TBC1D9B: variants seen among roughly 807,000 people sequenced by gnomAD.
TBC1D9B encodes the protein TBC1 domain family member 9B, also known as TBC1 domain family, member 9B (with GRAM domain).
Under a neutral mutation model 121.1 loss-of-function variants are expected in TBC1D9B, and 87 were observed. The observed-to-expected ratio is 0.72, with a 90% CI of 0.60 to 0.86. TBC1D9B has a LOEUF of 0.86. TBC1D9B is among the 40% of genes least tolerant of loss of function. The pLI is 0.00. For missense variants in TBC1D9B, 1,540 were observed against 1,628.6 expected, an observed-to-expected ratio of 0.95 and a Z score of 0.94; for synonymous variants, 668 against 670.1, an observed-to-expected ratio of 1.00 and a Z score of 0.05.
intron 12 of TBC1D9B, 148 bp from the exon 13 acceptor site, chr5:179,873,396 G>C: frequency 4.0e-6 from 5 of 1,263,706 alleles, no homozygotes; most frequent in Non-Finnish European, 5.2e-6. Context: ...GGAGGGCAGA[G>C]GTGTGCCCTG....
rs368344854 is a variant in TBC1D9B, at chr5:179,894,377, C to T, written c.577+9G>A. 7.6e-4 allele frequency: 1,213 copies of T among 1,604,722 alleles called. No individual in the cohort carries two copies. Among genetic ancestry groups the T allele is most frequent in the Non-Finnish European group, 9.2e-4 (1,082 of 1,176,090 alleles). On this transcript the variant is annotated intron_variant, in intron 4 of 20. Transcript: ENST00000355235. The stretch of plus-strand genomic sequence containing the variant: ...GTGGGGGCTGGGGCACACTGAGGGG[C>T]GGGCTCACCTTCCTTCCCCAGCAGG...
At position 179,907,750 on chromosome 5, in the gene TBC1D9B, G is replaced by T; in HGVS notation, c.72C>A (p.Phe24Leu). 8.3e-7 allele frequency: 1 copy of T among 1,206,272 alleles called. No individual in the cohort carries two copies. Among genetic ancestry groups the T allele is most frequent in the Non-Finnish European group, 1.1e-6 (1 of 944,562 alleles). 74.7% of individuals were successfully genotyped at this position (1,206,272 alleles called of 1,614,324 possible). Reference protein sequence around the residue: ...LWVTERANPFFVLQRRRGHGR... With the variant: ...LWVTERANPFLVLQRRRGHGR... ...CGTGGCCCCGGCGTCGCTGCAGCAC[G>T]AAGAAGGGGTTGGCCCGCTCCGTCA... The change falls in exon 1 of 21, where the codon TTC (phenylalanine) becomes TTA (leucine). Residue 24 changes from phenylalanine (F) to leucine (L), a missense_variant. By Grantham distance (22) the Phe-to-Leu change is conservative (BLOSUM62 0). Transcript: ENST00000355235. This position sits in a 1 kb window ranked among gnomAD's most constrained non-coding sequence, Gnocchi z 5.3.
At chr5:179,882,906 A>G (rs183072774) in intron 7 of TBC1D9B, among the ~76,000 whole-genome samples, 1 of 152,156 alleles carries the variant, frequency 6.6e-6, no homozygotes, top group Non-Finnish European at 1.5e-5. Flanking sequence ...TTGAGGAGGA[A>G]TCTCTCAGGA....
In TBC1D9B at chr5:179,907,463, TGAG is replaced by T. The variant is rs1386096773; in HGVS notation, c.118+238_118+240del. Among the ~76,000 whole-genome samples the T allele has an allele frequency of 1.2e-4, 18 of 151,372 alleles. No homozygotes were observed. Among genetic ancestry groups the T allele is most frequent in the Admixed American group, 1.2e-3 (18 of 15,232 alleles). ...TCCACTTGGCCGCCCCAAGCCGACC[TGAG>T]GAGAGCCCGCCGAGGGCGCATTCGC... On this transcript the variant is annotated intron_variant, in intron 1 of 20. Transcript: ENST00000355235. The surrounding 1 kb of genome is among the most constrained non-coding windows in gnomAD (Gnocchi z 5.3).
intron 6 of TBC1D9B, among the ~76,000 whole-genome samples, chr5:179,888,826 G>C (rs889707470): frequency 5.3e-5 from 8 of 152,192 alleles, no homozygotes; most frequent in African/African-American, 1.7e-4. Flanking sequence ...CAGTCAGCAG[G>C]GGTGAGTGCT....
chr5:179,865,197 C>A lies in TBC1D9B; in HGVS notation c.3021+57G>T. The A allele has an allele frequency of 6.5e-7, 1 of 1,543,512 alleles. No homozygotes were observed. The highest frequency in any genetic ancestry group is 1.1e-5 in the South Asian group (1 of 89,714). On this transcript the variant is annotated intron_variant, in intron 20 of 20. Transcript: ENST00000355235. The surrounding 1 kb of genome is among the most constrained non-coding windows in gnomAD (Gnocchi z 5.1). Reference sequence around the variant, plus strand: ...CAGTGCAGGTGCGGTGATGTTAGGGCCCAGTCTTGGTCAGAACTCTCCAGA... The same window carrying A: ...CAGTGCAGGTGCGGTGATGTTAGGGACCAGTCTTGGTCAGAACTCTCCAGA...
At position 179,863,449 on chromosome 5, in the gene TBC1D9B, C is replaced by T; in HGVS notation, c.3701G>A (p.Ter1234=). 1.9e-6 allele frequency: 3 copies of T among 1,612,050 alleles called. No homozygotes were observed. The highest frequency in any genetic ancestry group is 2.5e-6 in the Non-Finnish European group (3 of 1,178,688). The part of the protein sequence containing the change: ...SDHEQPGVSG[*] The stretch of plus-strand genomic sequence containing the variant: ...GGCCAGGCCTCACAGCTGCAGGCAT[C>T]AGCCGGAAACTCCAGGCTGCTCATG... The change falls in exon 21 of 21, where the codon TGA becomes TAA. Residue 1234 remains the stop codon, a stop_retained_variant. Transcript: ENST00000355235. This position sits in a 1 kb window ranked among gnomAD's most constrained non-coding sequence, Gnocchi z 4.5.
intron 2 of TBC1D9B, among the ~76,000 whole-genome samples, chr5:179,903,007 C>T (rs751272151): frequency 2.0e-5 from 3 of 152,188 alleles, no homozygotes; most frequent in Admixed American, 6.5e-5. Context: ...GGGTGCCGCC[C>T]GCCCTGTGCT....
chr5:179,867,878 G>A, intron 17 of TBC1D9B, 29 bp from the exon 18 acceptor site: 1 of 1,504,302 alleles, frequency 6.6e-7, no homozygotes, highest in Non-Finnish European at 8.9e-7. Flanking sequence ...CAGAGTGAGG[G>A]CAGGAGGAAA....
chr5:179,901,673 G>A (rs1220819605), intron 2 of TBC1D9B, among the ~76,000 whole-genome samples: 1 of 152,216 alleles, frequency 6.6e-6, no homozygotes, highest in Non-Finnish European at 1.5e-5. Context: ...TAGTCAGGAG[G>A]CTGAGGTGGG....
rs1013032301 is a variant in TBC1D9B at position 179,880,070 on chromosome 5, C to T, written c.1255-281G>A. On this transcript the variant is annotated intron_variant, in intron 7 of 20. Coordinates refer to ENST00000355235, the MANE Select transcript of TBC1D9B (RefSeq NM_015043.4). ...GGTTCTGGGCTCACCCTGTGGGGCC[C>T]TTTTCTGAGGGGGGTCAGTGCAAAG... 5 of 517,358 alleles carry T rather than the reference C, an allele frequency of 9.7e-6. No individual in the cohort carries two copies. In the Admixed American group the frequency reaches 1.4e-4, roughly 15 times the overall value. 32.0% of individuals were successfully genotyped at this position (517,358 alleles called of 1,614,324 possible).
In TBC1D9B at chr5:179,864,129, C is replaced by T; in HGVS notation, c.3022-1G>A. ...TCTTGCACAGCTCAATGAACTGCTC[C>T]TTTTAGGGAGAAAAACAGAAGAACA... On this transcript the variant is annotated splice_acceptor_variant, in intron 20 of 20. Coordinates refer to ENST00000355235, the MANE Select transcript of TBC1D9B (RefSeq NM_015043.4). LOFTEE classifies it high-confidence loss of function. 1 of 1,591,222 alleles carries T rather than the reference C, an allele frequency of 6.3e-7. No homozygotes were observed. Among genetic ancestry groups the T allele is most frequent in the Non-Finnish European group, 8.6e-7 (1 of 1,165,404 alleles).
At chr5:179,877,210 C>A (rs1261646995) in intron 10 of TBC1D9B, among the ~76,000 whole-genome samples, 1 of 150,636 alleles carries the variant, frequency 6.6e-6, no homozygotes, top group African/African-American at 2.4e-5. Flanking sequence ...GACAGTGAGA[C>A]CCCATGTCTA....
At position 179,862,747 on chromosome 5, in the gene TBC1D9B, C is replaced by A. The variant is rs565451263; in HGVS notation, c.*701G>T. On this transcript the variant is annotated 3_prime_UTR_variant, in exon 21 of 21. Coordinates refer to ENST00000355235, the MANE Select transcript of TBC1D9B (RefSeq NM_015043.4). ...GCATTGCACACAGTGGTTTTTATTT[C>A]TTTCAGGGATTTATTAAGGCATTGA... 8.1e-6 allele frequency: 3 copies of A among 372,556 alleles called. No individual in the cohort carries two copies. Among genetic ancestry groups the A allele is most frequent in the East Asian group, 7.5e-5 (1 of 13,262 alleles). 23.1% of individuals were successfully genotyped at this position (372,556 alleles called of 1,614,324 possible). A position where few individuals can be genotyped will look rare whatever the true frequency, so the allele number is the denominator to read the frequency against.
In TBC1D9B at chr5:179,884,710, G is replaced by C. The variant is rs564818463; in HGVS notation, c.1254+3393C>G. On this transcript the variant is annotated intron_variant, in intron 7 of 20. Transcript: ENST00000355235. The stretch of plus-strand genomic sequence containing the variant: ...AGAAATCTTGAGCACGCTACAACAG[G>C]GATGAACCTGGAGGACATCACGCTG... Among the ~76,000 whole-genome samples, 384 of 152,190 alleles carry C rather than the reference G, an allele frequency of 2.5e-3. 2 individuals carry two copies. Among genetic ancestry groups the C allele is most frequent in the Non-Finnish European group, 4.5e-3 (309 of 68,012 alleles).
At position 179,879,048 on chromosome 5, in the gene TBC1D9B, G is replaced by A. The variant is rs140054137; in HGVS notation, c.1566C>T (p.Ser522=). 57 of 1,601,402 alleles carry A rather than the reference G, an allele frequency of 3.6e-5. No homozygotes were observed. The highest frequency in any genetic ancestry group is 1.7e-4 in the Middle Eastern group (1 of 6,058). ...TGGGGGTGGCTGCACCCCACTCACC[G>A]GAGAAGAGGAGCCACAGCTCTCCCC... The part of the protein sequence containing the change: ...SLRGELWLLF[S]GAWNEMVTHP... The change falls in exon 9 of 21, where the codon TCC becomes TCT. Residue 522 remains serine (S), a splice_region_variant and synonymous_variant. Transcript: ENST00000355235.
chr5:179,872,181 G>A (rs918774118), intron 14 of TBC1D9B: 2 of 155,430 alleles, frequency 1.3e-5, no homozygotes, highest in Admixed American at 6.2e-5. Flanking sequence ...CAGGATGGGC[G>A]TGGGGGAGCC....
chr5:179,873,230 GA>G lies in TBC1D9B; in HGVS notation c.2204del (p.Val735AlafsTer17). 1 of 1,610,814 alleles carries G rather than the reference GA, an allele frequency of 6.2e-7. No individual in the cohort carries two copies. The highest frequency in any genetic ancestry group is 8.5e-7 in the Non-Finnish European group (1 of 1,178,472). ...TMLGRYLDNV[V>X]NKQSVSPPIP... ...TAGGAGGAGAGACACTCTGCTTGTT[GA>G]CCACATTATCCAGGTATCTGCAAAG... is the stretch of plus-strand genomic sequence containing the variant. On this transcript the variant is annotated frameshift_variant, in exon 13 of 21. Coordinates refer to ENST00000355235, the MANE Select transcript of TBC1D9B (RefSeq NM_015043.4). LOFTEE classifies it high-confidence loss of function.
In TBC1D9B at chr5:179,904,607, C is replaced by T; in HGVS notation, c.229+95G>A. On this transcript the variant is annotated intron_variant, in intron 2 of 20. Coordinates refer to ENST00000355235, the MANE Select transcript of TBC1D9B (RefSeq NM_015043.4). The surrounding 1 kb of genome is among the most constrained non-coding windows in gnomAD (Gnocchi z 4.2). ...TGGGCTATGCTGTCAGCAGGGAATACCACCCAGACACGTGGGCTACACACC... is the reference window on the plus strand; with the variant it reads ...TGGGCTATGCTGTCAGCAGGGAATATCACCCAGACACGTGGGCTACACACC... The T allele has an allele frequency of 1.9e-6, 2 of 1,076,584 alleles. No homozygotes were observed. The highest frequency in any genetic ancestry group is 2.7e-6 in the Non-Finnish European group (2 of 729,516). The allele number at this position is 1,076,584 out of a possible 1,614,324, so 66.7% of individuals were successfully genotyped here.
Sources: gnomAD v4.1 joint callset for allele counts (sites outside exome capture counted in the v4.1 genomes callset) on GRCh38, gnomAD v4.1.1 for gene constraint, Gnocchi (gnomAD v3.1) non-coding constraint, MANE v1.5 for transcripts, NCBI Gene and HGNC (gene_info 2026-07-23, HGNC 2026-07-21) for gene names.